The following KIAA1549L variants were observed in gnomAD, a reference collection of about 807,000 sequenced individuals.
KIAA1549L encodes UPF0606 protein KIAA1549L.
In KIAA1549L, 88 loss-of-function variants were observed where a neutral mutation model predicts 160.7. The ratio of observed to expected loss-of-function variants is 0.55; its 90% CI spans 0.46 to 0.65. The LOEUF is 0.65. Among genes scored for constraint, KIAA1549L ranks in the 30% least tolerant of loss-of-function variants. The pLI is 0.00. For synonymous variants in KIAA1549L, 950 were observed against 976.7 expected, an observed-to-expected ratio of 0.97 and a Z score of 0.51; for missense variants, 2,258 against 2,437.5, an observed-to-expected ratio of 0.93 and a Z score of 1.55.
At chr11:33,457,430 T>C (rs532369563) in intron 1 of KIAA1549L, among the ~76,000 whole-genome samples, 50 of 152,350 alleles carry the variant, frequency 3.3e-4, no homozygotes, top group African/African-American at 1.1e-3. Context: ...TTTAACATCC[T>C]GTTACCCAAA....
chr11:33,551,270 CGGAA>C lies in KIAA1549L; in HGVS notation c.3721+18_3721+21del. 3 of 1,607,908 alleles carry C rather than the reference CGGAA, an allele frequency of 1.9e-6. No homozygotes were observed. The highest frequency in any genetic ancestry group is 2.5e-6 in the Non-Finnish European group (3 of 1,176,588). On this transcript the variant is annotated intron_variant, in intron 5 of 20. Coordinates refer to ENST00000658780, the MANE Select transcript of KIAA1549L (RefSeq NM_012194.3). Reference sequence around the variant, plus strand: ...TCCAGCTAAAAACAGGCAAGTGACTCGGAAGGAAGGGATTTTCATCCATTCTTGG... The same window carrying C: ...TCCAGCTAAAAACAGGCAAGTGACTCGGAAGGGATTTTCATCCATTCTTGG...
intron 12 of KIAA1549L, among the ~76,000 whole-genome samples, chr11:33,595,849 T>C (rs1377098105): frequency 6.6e-6 from 1 of 152,048 alleles, no homozygotes; most frequent in Non-Finnish European, 1.5e-5. Flanking sequence ...GGTTAAGATA[T>C]CTCAATTTTT....
At chr11:33,569,692 A>G (rs951679167) in intron 9 of KIAA1549L, among the ~76,000 whole-genome samples, 1 of 152,098 alleles carries the variant, frequency 6.6e-6, no homozygotes, top group African/African-American at 2.4e-5. Context: ...CGTTTGTCCT[A>G]TTGGATGTTG....
chr11:33,563,080 G>A lies in KIAA1549L; in HGVS notation c.4078+1345G>A, dbSNP rs1012413143. Among the ~76,000 whole-genome samples, 8 of 152,022 alleles carry A rather than the reference G, an allele frequency of 5.3e-5. No homozygotes were observed. In the East Asian group the frequency reaches 5.9e-4, roughly 11 times the overall value. On this transcript the variant is annotated intron_variant, in intron 8 of 20. Coordinates refer to ENST00000658780, the MANE Select transcript of KIAA1549L (RefSeq NM_012194.3). The stretch of plus-strand genomic sequence containing the variant: ...AAATAGGAATCTGGGGGGACAGGCC[G>A]GGTGTGATGGCTCACCCCTGTAATC...
chr11:33,618,361 T>C (rs1370902105), intron 15 of KIAA1549L, among the ~76,000 whole-genome samples, 172 bp from the exon 16 acceptor site: 1 of 151,652 alleles, frequency 6.6e-6, no homozygotes, highest in Non-Finnish European at 1.5e-5. Flanking sequence ...AAAAAAAAAA[T>C]CTTTATTTCA....
chr11:33,616,723 A>C lies in KIAA1549L; in HGVS notation c.5280-1810A>C, dbSNP rs78259189. On this transcript the variant is annotated intron_variant, in intron 15 of 20. Coordinates refer to ENST00000658780, the MANE Select transcript of KIAA1549L (RefSeq NM_012194.3). ...TCTGTGACTAACTTACTGTGTGTCT[A>C]TGAAAAAAAATGTGTAAGCCTGCCA... 7.2e-5 allele frequency among the ~76,000 whole-genome samples: 11 copies of C among 152,286 alleles called. No homozygotes were observed. The East Asian group carries it at 2.1e-3, about 29-fold the overall frequency.
rs1852682467 is a variant in KIAA1549L, at chr11:33,671,799, A to AGAT, written c.*3646_*3648dup. The AGAT allele has an allele frequency of 2.0e-5, 3 of 152,360 alleles. No homozygotes were observed. In the South Asian group the frequency reaches 6.2e-4, roughly 32 times the overall value. 9.4% of individuals were successfully genotyped at this position (152,360 alleles called of 1,614,324 possible). ...CTCAACATTTAATGAATAATATAAC[A>AGAT]GATACTGTCTTAAAAGTTTAAAAAC... On this transcript the variant is annotated 3_prime_UTR_variant, in exon 21 of 21. Coordinates refer to ENST00000658780, the MANE Select transcript of KIAA1549L (RefSeq NM_012194.3).
chr11:33,494,722 A>G (rs920287620), intron 1 of KIAA1549L, among the ~76,000 whole-genome samples: 4 of 152,122 alleles, frequency 2.6e-5, no homozygotes, highest in Non-Finnish European at 5.9e-5. Flanking sequence ...TTTCATTTTG[A>G]TTGTGTTGCA....
intron 2 of KIAA1549L, 94 bp downstream of exon 2, chr11:33,544,430 T>TA (rs1854162896): frequency 7.5e-7 from 1 of 1,341,186 alleles, no homozygotes. Context: ...TCAACGCAGA[T>TA]ACCAGCTTTG....
At chr11:33,430,940 G>A (rs1388600597) in intron 1 of KIAA1549L, among the ~76,000 whole-genome samples, 9 of 152,140 alleles carry the variant, frequency 5.9e-5, no homozygotes, top group East Asian at 1.9e-4. Context: ...GTGGACCCTC[G>A]CGGTGAGTGT....
At chr11:33,590,741 T>C (rs1445780051) in intron 11 of KIAA1549L, among the ~76,000 whole-genome samples, 1 of 152,206 alleles carries the variant, frequency 6.6e-6, no homozygotes, top group Non-Finnish European at 1.5e-5. Context: ...GCAGATAAGA[T>C]TATCTTCAGT....
chr11:33,629,463 AT>A (rs1851214083), intron 16 of KIAA1549L, among the ~76,000 whole-genome samples: 1 of 151,836 alleles, frequency 6.6e-6, no homozygotes, highest in Non-Finnish European at 1.5e-5. Context: ...ATAGTCCCAT[AT>A]TTCTTGGAGG....
chr11:33,594,648 G>A (rs1046414353), intron 12 of KIAA1549L, among the ~76,000 whole-genome samples: 1 of 152,166 alleles, frequency 6.6e-6, no homozygotes, highest in Non-Finnish European at 1.5e-5. Context: ...TGTCCTCTTG[G>A]ATAAAGCAAG....
chr11:33,543,363 T>C lies in KIAA1549L; in HGVS notation c.1800T>C (p.Ser600=), dbSNP rs1400978065. The C allele has an allele frequency of 6.2e-7, 1 of 1,614,074 alleles. No homozygotes were observed. Among genetic ancestry groups the C allele is most frequent in the East Asian group, 2.2e-5 (1 of 44,890 alleles). Residue 600 remains serine, a synonymous_variant, in exon 2 of 21, where the codon TCT becomes TCC. Coordinates refer to ENST00000658780, the MANE Select transcript of KIAA1549L (RefSeq NM_012194.3). ...LSLHTVNGFV[S]DFSTGSVSSP... is the part of the protein sequence containing the mutation. ...TTCACACTGTAAATGGATTTGTCTC[T>C]GATTTCAGCACCGGTAGTGTCTCAT...
chr11:33,652,836 TAAGTG>T (rs1851936582), intron 17 of KIAA1549L, among the ~76,000 whole-genome samples: 1 of 152,128 alleles, frequency 6.6e-6, no homozygotes, highest in Non-Finnish European at 1.5e-5. Context: ...ATTAGACAGA[TAAGTG>T]AAGGGCCAAA....
At chr11:33,616,985 A>C (rs1459103126) in intron 15 of KIAA1549L, among the ~76,000 whole-genome samples, 4 of 152,112 alleles carry the variant, frequency 2.6e-5, no homozygotes, top group African/African-American at 9.6e-5. Context: ...CAAAAATTAC[A>C]AAAAAATTAG....
chr11:33,667,024 G>A (rs1852480591), intron 20 of KIAA1549L, among the ~76,000 whole-genome samples: 2 of 152,150 alleles, frequency 1.3e-5, no homozygotes, highest in Admixed American at 6.5e-5. Context: ...TTGCTGGATT[G>A]TACTTATATG....
chr11:33,543,501 C>A lies in KIAA1549L; in HGVS notation c.1938C>A (p.Ser646Arg), dbSNP rs1299256954. 1 of 1,614,058 alleles carries A rather than the reference C, an allele frequency of 6.2e-7. No individual in the cohort carries two copies. The highest frequency in any genetic ancestry group is 1.7e-5 in the Admixed American group (1 of 60,028). Residue 646 changes from serine (S) to arginine (R), a missense_variant, in exon 2 of 21, where the codon AGC (serine) becomes AGA (arginine). By Grantham distance (110) the Ser-to-Arg change is moderately radical (BLOSUM62 -1). This residue lies in a region of KIAA1549L where 11 missense variants were observed against 29.9 expected (regional missense o/e 0.37). Transcript: ENST00000658780. ...QTVFPSLGFS[S>R]TKPEAYAAAV... Reference sequence around the variant, plus strand: ...TTTTCCCATCTCTTGGCTTTTCCAGCACCAAGCCAGAGGCTTATGCAGCTG... The same window carrying A: ...TTTTCCCATCTCTTGGCTTTTCCAGAACCAAGCCAGAGGCTTATGCAGCTG...
At chr11:33,537,759 C>T (rs1853925337) in intron 1 of KIAA1549L, among the ~76,000 whole-genome samples, 1 of 152,120 alleles carries the variant, frequency 6.6e-6, no homozygotes, top group Non-Finnish European at 1.5e-5. Flanking sequence ...ATAATTAATA[C>T]CTGCTATAAC....
Sources: allele counts gnomAD v4.1 joint callset (sites outside exome capture counted in the v4.1 genomes callset), GRCh38; gene constraint gnomAD v4.1.1; regional missense constraint gnomAD v4.1.1; transcripts MANE v1.5; gene names NCBI Gene and HGNC (gene_info 2026-07-23, HGNC 2026-07-21).